Variants in BDP1 observed in about 807,000 individuals in gnomAD.
BDP1 encodes the protein transcription factor TFIIIB component B'' homolog.
A neutral mutation model predicts 266.6 loss-of-function variants in BDP1; 169 were observed. That is an observed-to-expected ratio of 0.63 (90% confidence interval 0.56 to 0.72). The LOEUF (loss-of-function observed/expected upper bound fraction) is 0.72. BDP1 is among the 30% of genes least tolerant of loss of function. BDP1 has a pLI of 0.00. For synonymous variants in BDP1, 1,090 were observed against 1,022.4 expected (o/e 1.07, Z -1.26); for missense variants, 3,015 against 3,053.8 (o/e 0.99, Z 0.30).
the BDP1 span, among the ~76,000 whole-genome samples, chr5:71,576,794 G>A: frequency 6.6e-6 from 1 of 152,178 alleles, no homozygotes; most frequent in Non-Finnish European, 1.5e-5. Flanking sequence ...TGCTTGGCAT[G>A]GAGCAGGCTT....
intron 5 of BDP1, among the ~76,000 whole-genome samples, chr5:71,467,121 T>G (rs757991286): frequency 6.6e-6 from 1 of 152,226 alleles, no homozygotes; most frequent in Non-Finnish European, 1.5e-5. Flanking sequence ...TTGTAAATAT[T>G]ATATTGCTGT....
At chr5:71,505,673 TG>T (rs1394054900) in intron 16 of BDP1, among the ~76,000 whole-genome samples, 1 of 152,246 alleles carries the variant, frequency 6.6e-6, no homozygotes, top group Non-Finnish European at 1.5e-5. Flanking sequence ...GGCTAGCCTA[TG>T]CTATACTTTC....
At chr5:71,554,491 C>G (rs1743082832) in intron 35 of BDP1, among the ~76,000 whole-genome samples, 1 of 152,248 alleles carries the variant, frequency 6.6e-6, no homozygotes, top group African/African-American at 2.4e-5. Context: ...AAAAGATAGA[C>G]TAGGTATAAT....
rs752288408 is a variant in BDP1 at position 71,483,857 on chromosome 5, G to T, written c.1030G>T (p.Glu344Ter). The T allele has an allele frequency of 6.2e-7, 1 of 1,610,998 alleles. No homozygotes were observed. Among genetic ancestry groups the T allele is most frequent in the Admixed American group, 1.7e-5 (1 of 59,690 alleles). ...TTGTTAACAGAATAAATTTAAACGG[G>T]AAGAGAAAACAAATGGATGGAGAAT... ...RIEIKNKFKR[E>*]EKTNGWRIDK... The change falls in exon 8 of 39, where the codon GAA becomes TAA. Residue 344 changes from glutamate to a stop codon, truncating the protein, a stop_gained. Coordinates refer to ENST00000358731, the MANE Select transcript of BDP1 (RefSeq NM_018429.3). LOFTEE classifies it high-confidence loss of function.
Position 71,501,811 on chromosome 5 carries a change from A to G in BDP1, c.2048+158A>G, listed in dbSNP as rs368400588. Among the ~76,000 whole-genome samples, 7 of 152,222 alleles carry G rather than the reference A, an allele frequency of 4.6e-5. No individual in the cohort carries two copies. In the East Asian group the frequency reaches 1.2e-3, roughly 25 times the overall value. ...CATAGGTGGTTTTGAAACATTCATA[A>G]TACTCTCTCTGCTTGATATTGCTTA... On this transcript the variant is annotated intron_variant, in intron 14 of 38. Transcript: ENST00000358731.
chr5:71,574,460 G>A, the BDP1 span, among the ~76,000 whole-genome samples: 2 of 152,096 alleles, frequency 1.3e-5, no homozygotes, highest in African/African-American at 4.8e-5. Flanking sequence ...GTTCCCGGAG[G>A]CACATTGGTT....
At chr5:71,517,178 A>T in intron 21 of BDP1, 144 bp from the exon 22 acceptor site, 1 of 686,496 alleles carries the variant, frequency 1.5e-6, no homozygotes, top group South Asian at 2.2e-5. Context: ...CCTGGGCAGT[A>T]TGATGAGACT....
chr5:71,476,955 G>A (rs1762624933), intron 7 of BDP1, among the ~76,000 whole-genome samples: 3 of 151,720 alleles, frequency 2.0e-5, no homozygotes, highest in African/African-American at 4.8e-5. Context: ...TGCCCACCTC[G>A]GCCTCCCAAA....
intron 36 of BDP1, 113 bp from the exon 37 acceptor site, chr5:71,559,869 C>T (rs1415788818): frequency 5.3e-5 from 56 of 1,054,446 alleles, no homozygotes; most frequent in Non-Finnish European, 7.0e-5. Context: ...TTAGCTTACT[C>T]TTATTAGGGT....
chr5:71,523,443 A>G (rs1468793020), intron 24 of BDP1, among the ~76,000 whole-genome samples: 1 of 152,038 alleles, frequency 6.6e-6, no homozygotes, highest in East Asian at 1.9e-4. Flanking sequence ...CCTCCCGAGT[A>G]GCTGGGATTA....
At chr5:71,495,971 A>G (rs893452468) in intron 12 of BDP1, among the ~76,000 whole-genome samples, 4 of 152,036 alleles carry the variant, frequency 2.6e-5, no homozygotes, top group Non-Finnish European at 5.9e-5. Flanking sequence ...GGCTGGGCGC[A>G]GTGGCTCACA....
rs1763545160 is a variant in BDP1 at position 71,490,894 on chromosome 5, G to GAA, written c.1493-87_1493-86dup. On this transcript the variant is annotated intron_variant, in intron 10 of 38. Transcript: ENST00000358731. Reference sequence around the variant, plus strand: ...TTGAATGTTGCTTAAGGTTTTGTAGGAAAAGAGTGTTATAGGTAAATTCCT... The same window carrying GAA: ...TTGAATGTTGCTTAAGGTTTTGTAGGAAAAAAGAGTGTTATAGGTAAATTCCT... 91 of 1,284,650 alleles carry GAA rather than the reference G, an allele frequency of 7.1e-5. 2 individuals carry two copies. In the South Asian group the frequency reaches 1.5e-3, roughly 21 times the overall value. 79.6% of individuals were successfully genotyped at this position (1,284,650 alleles called of 1,614,324 possible).
At chr5:71,488,387 A>G (rs1477559977) in intron 9 of BDP1, among the ~76,000 whole-genome samples, 1 of 151,362 alleles carries the variant, frequency 6.6e-6, no homozygotes, top group African/African-American at 2.4e-5. Context: ...TTGGCCTCCC[A>G]AAGTACTGGG....
intron 21 of BDP1, 29 bp downstream of exon 21, chr5:71,516,300 G>A (rs372117670): frequency 1.6e-5 from 24 of 1,529,492 alleles, no homozygotes; most frequent in East Asian, 2.3e-5. Context: ...ATTAAATTTA[G>A]CCTTTTAATG....
In BDP1 at chr5:71,484,592, A is replaced by G. The variant is rs149033735; in HGVS notation, c.1069+696A>G. On this transcript the variant is annotated intron_variant, in intron 8 of 38. Coordinates refer to ENST00000358731, the MANE Select transcript of BDP1 (RefSeq NM_018429.3). ...GATAGATATCTTGCAATTTCTAACT[A>G]AAATCCTCATTAAAATTAACATATT... is the stretch of plus-strand genomic sequence containing the variant. Among the ~76,000 whole-genome samples, 637 of 152,284 alleles carry G rather than the reference A, an allele frequency of 4.2e-3. 10 individuals are homozygous for G. The highest frequency in any genetic ancestry group is 0.014 in the African/African-American group (595 of 41,568).
In BDP1 at chr5:71,489,823, C is replaced by T. The variant is rs912770919; in HGVS notation, c.1492+141C>T. The T allele has an allele frequency of 5.1e-5, 30 of 590,860 alleles. No homozygotes were observed. The East Asian group carries it at 6.3e-4, about 12-fold the overall frequency. 36.6% of individuals were successfully genotyped at this position (590,860 alleles called of 1,614,324 possible). A position where few individuals can be genotyped will look rare whatever the true frequency, so the allele number is the denominator to read the frequency against. The stretch of plus-strand genomic sequence containing the variant: ...TTCTGTACTAATGGTACTGTGCTAA[C>T]GCTGTTTATTTTTAATTAAAAAAGT... On this transcript the variant is annotated intron_variant, in intron 10 of 38. Coordinates refer to ENST00000358731, the MANE Select transcript of BDP1 (RefSeq NM_018429.3).
intron 28 of BDP1, among the ~76,000 whole-genome samples, chr5:71,540,612 G>A (rs1412873634): frequency 6.6e-6 from 1 of 152,158 alleles, no homozygotes; most frequent in Non-Finnish European, 1.5e-5. Flanking sequence ...ACAGGCATGA[G>A]CCACCGCACC....
At chr5:71,488,475 C>T (rs1004026526) in intron 9 of BDP1, among the ~76,000 whole-genome samples, 4 of 150,808 alleles carry the variant, frequency 2.7e-5, no homozygotes, top group East Asian at 2.0e-4. Flanking sequence ...GTTGCCCAGG[C>T]TGGAGTGCCA....
intron 25 of BDP1, among the ~76,000 whole-genome samples, chr5:71,529,535 C>T (rs1433099890): frequency 6.6e-6 from 1 of 152,092 alleles, no homozygotes; most frequent in Non-Finnish European, 1.5e-5. Context: ...TACATTCAGT[C>T]AATAAATTAG....
Sources: gnomAD v4.1 joint callset for allele counts (sites outside exome capture counted in the v4.1 genomes callset) on GRCh38, gnomAD v4.1.1 for gene constraint, MANE v1.5 for transcripts, NCBI Gene and HGNC (gene_info 2026-07-23, HGNC 2026-07-21) for gene names.